LETM2: variants seen among roughly 807,000 people sequenced by gnomAD.
LETM2 encodes LETM1 domain-containing protein LETM2, mitochondrial.
LETM2 carries 58 observed loss-of-function variants against 59.6 expected under a neutral mutation model. The observed-to-expected ratio is 0.97, with a 90% confidence interval of 0.79 to 1.21. LETM2 has a LOEUF of 1.21. Ranked by LOEUF, LETM2 falls within the 50% of genes most tolerant of loss-of-function variation. LETM2 has a pLI of 0.00. For synonymous variants in LETM2, 199 were observed against 214.1 expected (o/e 0.93, Z 0.62); for missense variants, 572 against 575.7 (o/e 0.99, Z 0.07).
At position 38,408,041 on chromosome 8, in the gene LETM2, A is replaced by G. The variant is rs1026286566; in HGVS notation, c.1414-171A>G. 5 of 577,656 alleles carry G rather than the reference A, an allele frequency of 8.7e-6. No individual in the cohort carries two copies. In the African/African-American group the frequency reaches 9.4e-5, roughly 11 times the overall value. The allele number at this position is 577,656 out of a possible 1,614,324, so 35.8% of individuals were successfully genotyped here. On this transcript the variant is annotated intron_variant, in intron 10 of 10. Transcript: ENST00000379957. ...CCCAGAAAAGCATCCCAAGGCACAC[A>G]CATACCTTGTTTTTTGTAAATCTCC...
At chr8:38,388,305 C>A (rs577386907) in intron 2 of LETM2, among the ~76,000 whole-genome samples, 2 of 151,774 alleles carry the variant, frequency 1.3e-5, no homozygotes, top group South Asian at 4.2e-4. Context: ...CTCTGGAACT[C>A]CTGACCTTAG....
upstream of LETM2, among the ~76,000 whole-genome samples, chr8:38,384,443 G>C (rs1811691803): frequency 1.3e-5 from 2 of 152,170 alleles, no homozygotes; most frequent in Non-Finnish European, 2.9e-5. Context: ...TACATTTTCA[G>C]TATCTAACAT....
chr8:38,403,416 G>T (rs1813417067), intron 7 of LETM2, among the ~76,000 whole-genome samples: 2 of 152,252 alleles, frequency 1.3e-5, no homozygotes, highest in African/African-American at 4.8e-5. Flanking sequence ...TTCAAGGCCT[G>T]TCATCTGTGT....
chr8:38,398,799 T>C (rs907419124), intron 4 of LETM2, among the ~76,000 whole-genome samples: 3 of 147,706 alleles, frequency 2.0e-5, no homozygotes, highest in Non-Finnish European at 3.0e-5. Flanking sequence ...CTCGGCTAAC[T>C]GCATCCTCCC....
intron 2 of LETM2, among the ~76,000 whole-genome samples, chr8:38,391,300 G>GTTTTTT (rs761566202): frequency 2.7e-5 from 3 of 109,160 alleles, no homozygotes; most frequent in Admixed American, 9.4e-5. Flanking sequence ...TTTTATTTTA[G>GTTTTTT]TTTTTTTTTT....
At chr8:38,402,764 T>C (rs952670952) in intron 7 of LETM2, 120 bp downstream of exon 7, 1 of 1,025,470 alleles carries the variant, frequency 9.8e-7, no homozygotes. Flanking sequence ...CCTTATTTCA[T>C]TGAGCAGTGG....
chr8:38,388,374 C>T (rs1023621099), intron 2 of LETM2, among the ~76,000 whole-genome samples: 5 of 151,824 alleles, frequency 3.3e-5, no homozygotes, highest in Non-Finnish European at 7.4e-5. Context: ...GTCACCTCGC[C>T]TGGCCTGAAT....
intron 2 of LETM2, among the ~76,000 whole-genome samples, chr8:38,389,859 C>A (rs572942355): frequency 1.3e-5 from 2 of 151,712 alleles, no homozygotes; most frequent in African/African-American, 2.4e-5. Flanking sequence ...ATTAGCTGGA[C>A]GTGGTGGCAT....
At chr8:38,400,163 C>T (rs1037400468) in intron 4 of LETM2, 109 bp from the exon 5 acceptor site, 18 of 780,736 alleles carry the variant, frequency 2.3e-5, no homozygotes, top group Non-Finnish European at 3.3e-5. Context: ...CACGTTATTA[C>T]ATGATGTAGG....
At position 38,407,038 on chromosome 8, in the gene LETM2, G is replaced by T. The variant is rs762021381; in HGVS notation, c.1311G>T (p.Lys437Asn). Reference protein sequence around the residue: ...VDLAPQLKGTKDEDFIQPPPV... With the variant: ...VDLAPQLKGTNDEDFIQPPPV... ...TTGCACCTCAACTGAAGGGAACTAA[G>T]GTTAGACAGTTACTTTCCATTTGGT... The change falls in exon 9 of 11, where the codon AAG (lysine) becomes AAT (asparagine). Residue 437 changes from lysine to asparagine, a missense_variant and splice_region_variant. Physicochemically the swap from Lys to Asn is moderately conservative, Grantham distance 94. Transcript: ENST00000379957. The T allele has an allele frequency of 1.3e-6, 2 of 1,577,600 alleles. No individual in the cohort carries two copies. Among genetic ancestry groups the T allele is most frequent in the South Asian group, 1.1e-5 (1 of 89,956 alleles).
At position 38,401,090 on chromosome 8, in the gene LETM2, G is replaced by A. The variant is rs754676289; in HGVS notation, c.984+37G>A. On this transcript the variant is annotated intron_variant, in intron 6 of 10. Transcript: ENST00000379957. ...ACCATAGCTCTAGGGAATTAGCAAG[G>A]TTTTGGGACATACCTTAGGGTGCCT... 3.2e-6 allele frequency: 5 copies of A among 1,547,200 alleles called. No homozygotes were observed. In the South Asian group the frequency reaches 4.5e-5, roughly 14 times the overall value.
At chr8:38,393,892 T>C (rs1481488323) in intron 3 of LETM2, 4 of 420,060 alleles carry the variant, frequency 9.5e-6, no homozygotes, top group Non-Finnish European at 1.7e-5. Flanking sequence ...ATGGCACATA[T>C]GCCTGTAATC....
At chr8:38,390,678 GTTT>G (rs1368807074) in intron 2 of LETM2, among the ~76,000 whole-genome samples, 1 of 91,122 alleles carries the variant, frequency 1.1e-5, no homozygotes, top group South Asian at 2.9e-4. Flanking sequence ...TTGTTTTTTT[GTTT>G]TTTGTTTTTT....
intron 4 of LETM2, among the ~76,000 whole-genome samples, chr8:38,396,816 A>G (rs925339647): frequency 8.5e-5 from 13 of 152,070 alleles, no homozygotes; most frequent in African/African-American, 3.1e-4. Context: ...GGGAGGCTGA[A>G]GCGGGAGGAT....
In LETM2 at chr8:38,409,332, G is replaced by C. The variant is rs1813998607; in HGVS notation, c.*1058G>C. ...TCCTGTCTGGGATCACCTAAATGAG[G>C]AATGTCACCAGCACTTCACAGCAAG... On this transcript the variant is annotated 3_prime_UTR_variant, in exon 11 of 11. Coordinates refer to ENST00000379957, the MANE Select transcript of LETM2 (RefSeq NM_001286819.2). The C allele has an allele frequency of 6.6e-6, 1 of 152,138 alleles. No individual in the cohort carries two copies. Among genetic ancestry groups the C allele is most frequent in the South Asian group, 2.1e-4 (1 of 4,824 alleles). 9.4% of individuals were successfully genotyped at this position (152,138 alleles called of 1,614,324 possible).
intron 8 of LETM2, among the ~76,000 whole-genome samples, chr8:38,405,795 C>G (rs1019276772): frequency 6.6e-6 from 1 of 152,162 alleles, no homozygotes; most frequent in African/African-American, 2.4e-5. Flanking sequence ...AGCTCACTGT[C>G]TCAGCTAAAT....
At position 38,393,031 on chromosome 8, in the gene LETM2, A is replaced by T. The variant is rs778071271; in HGVS notation, c.501+36A>T. The stretch of plus-strand genomic sequence containing the variant: ...ATCATATTTGAGAAAGAAAATGTGA[A>T]ATTAAAATGAACTATTTGGGAACTC... On this transcript the variant is annotated intron_variant, in intron 3 of 10. Coordinates refer to ENST00000379957, the MANE Select transcript of LETM2 (RefSeq NM_001286819.2). 1.3e-5 allele frequency: 20 copies of T among 1,499,078 alleles called. 1 individual carries two copies. The highest frequency in any genetic ancestry group is 1.7e-5 in the Non-Finnish European group (19 of 1,111,462). The allele number at this position is 1,499,078 out of a possible 1,614,324, so 92.9% of individuals were successfully genotyped here.
chr8:38,387,437 T>C (rs1811862534), intron 1 of LETM2, among the ~76,000 whole-genome samples: 1 of 152,174 alleles, frequency 6.6e-6, no homozygotes, highest in Non-Finnish European at 1.5e-5. Flanking sequence ...GAAACAGTTT[T>C]ACCTCCACTT....
chr8:38,404,738 G>C, intron 8 of LETM2: 1 of 437,516 alleles, frequency 2.3e-6, no homozygotes, highest in Non-Finnish European at 4.2e-6. Context: ...CCAGCACTTT[G>C]GGAGGCCGAG....
Sources: allele counts gnomAD v4.1 joint callset (sites outside exome capture counted in the v4.1 genomes callset), GRCh38; gene constraint gnomAD v4.1.1; transcripts MANE v1.5; gene names NCBI Gene and HGNC (gene_info 2026-07-23, HGNC 2026-07-21).